YIPF5: variants seen among roughly 807,000 people sequenced by gnomAD.
YIPF5 encodes Yip1 domain family member 5.
Under a neutral mutation model 30.4 loss-of-function variants are expected in YIPF5, and 8 were observed. That is an observed-to-expected ratio of 0.26 (90% CI 0.15 to 0.47). The LOEUF (loss-of-function observed/expected upper bound fraction) is 0.47. Ranked by LOEUF, YIPF5 falls within the 20% of genes least tolerant of loss-of-function variation. The pLI is 0.99. For synonymous variants in YIPF5, 104 were observed against 107.9 expected (o/e 0.96, Z 0.23); for missense variants, 282 against 301.8 (o/e 0.93, Z 0.49).
intron 4 of YIPF5, 24 bp downstream of exon 4, chr5:144,164,087 T>C (rs976134086): frequency 6.2e-7 from 1 of 1,605,822 alleles, no homozygotes; most frequent in Non-Finnish European, 8.5e-7. Flanking sequence ...AATTGCACCC[T>C]GAAGGTTGAA....
At chr5:144,170,441 A>T (rs1752344781) in intron 1 of YIPF5, 94 bp downstream of exon 1, 1 of 167,818 alleles carries the variant, frequency 6.0e-6, no homozygotes, top group African/African-American at 2.4e-5. Context: ...TCTGAGCGAA[A>T]GGACCAGGGC....
Position 144,158,957 on chromosome 5 carries a change from T to TTTCTC in YIPF5, c.*1435_*1439dup. ...AGTATTTTCCTCCCTGTACCATATC[T>TTTCTC]TTCTCGTAACTATAACTGAGCTTTG... is the stretch of plus-strand genomic sequence containing the variant. On this transcript the variant is annotated 3_prime_UTR_variant, in exon 6 of 6. Transcript: ENST00000274496. 2 of 984,872 alleles carry TTTCTC rather than the reference T, an allele frequency of 2.0e-6. No individual in the cohort carries two copies. Among genetic ancestry groups the TTTCTC allele is most frequent in the Non-Finnish European group, 2.4e-6 (2 of 829,998 alleles). The allele number at this position is 984,872 out of a possible 1,614,324, so 61.0% of individuals were successfully genotyped here.
intron 2 of YIPF5, among the ~76,000 whole-genome samples, chr5:144,169,265 G>A (rs189346149): frequency 3.3e-5 from 5 of 152,224 alleles, no homozygotes; most frequent in Admixed American, 3.3e-4. Context: ...ATGTTCAGAG[G>A]CTAACGGCTT....
intron 2 of YIPF5, among the ~76,000 whole-genome samples, chr5:144,166,351 G>C (rs1343626098): frequency 6.6e-6 from 1 of 152,164 alleles, no homozygotes; most frequent in African/African-American, 2.4e-5. Flanking sequence ...AATAGCAAGA[G>C]GGAAGAGGAT....
intron 5 of YIPF5, among the ~76,000 whole-genome samples, chr5:144,160,885 T>C (rs893815126): frequency 6.6e-6 from 1 of 152,160 alleles, no homozygotes; most frequent in East Asian, 1.9e-4. Context: ...CTGTGCACTG[T>C]CAGAATGTTC....
chr5:144,168,165 C>G (rs886785445), intron 2 of YIPF5, among the ~76,000 whole-genome samples: 1 of 152,176 alleles, frequency 6.6e-6, no homozygotes, highest in Non-Finnish European at 1.5e-5. Flanking sequence ...ACTGTGAGAA[C>G]AGTTGGCAAC....
chr5:144,165,806 T>C (rs1211109207), intron 2 of YIPF5, among the ~76,000 whole-genome samples: 1 of 152,184 alleles, frequency 6.6e-6, no homozygotes, highest in Non-Finnish European at 1.5e-5. Flanking sequence ...AAAATCATAA[T>C]TTTTATAGAA....
At chr5:144,160,769 A>G (rs909588291) in intron 5 of YIPF5, among the ~76,000 whole-genome samples, 2 of 152,176 alleles carry the variant, frequency 1.3e-5, no homozygotes, top group South Asian at 2.1e-4. Context: ...TTCATGGGAT[A>G]AACAGCTTTT....
intron 3 of YIPF5, among the ~76,000 whole-genome samples, chr5:144,164,845 T>C (rs1353446761): frequency 6.6e-6 from 1 of 152,174 alleles, no homozygotes; most frequent in Non-Finnish European, 1.5e-5. Flanking sequence ...TATGACTGCA[T>C]AGCAAAGAAT....
At chr5:144,166,182 C>CTGAA (rs1483589078) in intron 2 of YIPF5, among the ~76,000 whole-genome samples, 4 of 152,156 alleles carry the variant, frequency 2.6e-5, no homozygotes, top group Non-Finnish European at 5.9e-5. Flanking sequence ...TGAGCACTTG[C>CTGAA]TGAATGTAAC....
At position 144,159,905 on chromosome 5, in the gene YIPF5, T is replaced by G. The variant is rs1751982173; in HGVS notation, c.*492A>C. 1 of 726,914 alleles carries G rather than the reference T, an allele frequency of 1.4e-6. No homozygotes were observed. The highest frequency in any genetic ancestry group is 6.3e-5 in the Admixed American group (1 of 15,900). 45.0% of individuals were successfully genotyped at this position (726,914 alleles called of 1,614,324 possible). ...TTGTAGTTTTAGTAGAGTCGGGGTT[T>G]CACCGTGTTAACCAGGATGGTCTCG... On this transcript the variant is annotated 3_prime_UTR_variant, in exon 6 of 6. Coordinates refer to ENST00000274496, the MANE Select transcript of YIPF5 (RefSeq NM_030799.9).
intron 2 of YIPF5, among the ~76,000 whole-genome samples, chr5:144,169,246 T>A (rs1028269954): frequency 5.3e-5 from 8 of 151,606 alleles, no homozygotes; most frequent in Admixed American, 3.3e-4. Context: ...AAAGATCATT[T>A]AAAAAAAAAT....
intron 3 of YIPF5, among the ~76,000 whole-genome samples, chr5:144,164,651 C>G (rs1752150837): frequency 6.6e-6 from 1 of 151,706 alleles, no homozygotes. Context: ...CCTCCAGCCT[C>G]AGCCCCACAA....
At position 144,168,258 on chromosome 5, in the gene YIPF5, G is replaced by A. The variant is rs549899008; in HGVS notation, c.110+1588C>T. 2.0e-5 allele frequency among the ~76,000 whole-genome samples: 3 copies of A among 152,240 alleles called. No homozygotes were observed. In the East Asian group the frequency reaches 5.8e-4, roughly 29 times the overall value. ...AATGACTGTTAAAGGGAATGAGACT[G>A]TAAGTCACACCTTTTAAGTGATGCA... On this transcript the variant is annotated intron_variant, in intron 2 of 5. Transcript: ENST00000274496.
At chr5:144,162,458 T>G (rs1752076105) in intron 4 of YIPF5, 59 bp from the exon 5 acceptor site, 3 of 1,457,930 alleles carry the variant, frequency 2.1e-6, no homozygotes, top group Non-Finnish European at 2.8e-6. Flanking sequence ...CTGGCCTTAT[T>G]TCACCTGAAT....
Position 144,169,899 on chromosome 5 carries a change from A to ATCGATGC in YIPF5, c.50_56dup (p.Asp19GlufsTer4), listed in dbSNP as rs1160389655. 4 of 1,614,106 alleles carry ATCGATGC rather than the reference A, an allele frequency of 2.5e-6. No individual in the cohort carries two copies. The highest frequency in any genetic ancestry group is 1.3e-5 in the African/African-American group (1 of 74,944). ...AATCATAGGACTGCTGTGACTGATCATCGATGCTGTAACTTGTCTGGTAGA... is the reference window on the plus strand; with the variant it reads ...AATCATAGGACTGCTGTGACTGATCATCGATGCTCGATGCTGTAACTTGTCTGGTAGA... On this transcript the variant is annotated frameshift_variant, in exon 2 of 6. Coordinates refer to ENST00000274496, the MANE Select transcript of YIPF5 (RefSeq NM_030799.9). LOFTEE classifies it high-confidence loss of function.
chr5:144,160,600 C>G, intron 5 of YIPF5, 41 bp from the exon 6 acceptor site: 1 of 1,532,872 alleles, frequency 6.5e-7, no homozygotes, highest in Non-Finnish European at 8.9e-7. Flanking sequence ...GAAAAAAAAG[C>G]AGATGAGATT....
intron 2 of YIPF5, among the ~76,000 whole-genome samples, chr5:144,168,915 T>C (rs1482435624): frequency 1.3e-5 from 2 of 152,250 alleles, no homozygotes; most frequent in Admixed American, 1.3e-4. Context: ...GAACAGTCTT[T>C]ATGAGGTTTC....
In YIPF5 at chr5:144,162,206, A is replaced by G; in HGVS notation, c.611+12T>C. On this transcript the variant is annotated intron_variant, in intron 5 of 5. Coordinates refer to ENST00000274496, the MANE Select transcript of YIPF5 (RefSeq NM_030799.9). ...TGGTCAATCAACCCCCAAAATAAAG[A>G]ACAGTACTTACTGCAAAGAAAATAT... The G allele has an allele frequency of 6.2e-7, 1 of 1,612,102 alleles. No individual in the cohort carries two copies.
Sources: allele counts gnomAD v4.1 joint callset (sites outside exome capture counted in the v4.1 genomes callset), GRCh38; gene constraint gnomAD v4.1.1; transcripts MANE v1.5; gene names NCBI Gene and HGNC (gene_info 2026-07-23, HGNC 2026-07-21).